The following CDHR3 variants were observed in gnomAD, a reference collection of about 807,000 sequenced individuals.
CDHR3 encodes cadherin related family member 3.
In CDHR3, 79 loss-of-function variants were observed where a neutral mutation model predicts 86.6. That is an observed-to-expected ratio of 0.91 (90% confidence interval 0.76 to 1.10). The LOEUF is 1.10. CDHR3 is among the 50% of genes least tolerant of loss of function. The probability of loss-of-function intolerance (pLI) is 0.00; values close to 1 mark genes in which losing one functional copy is unlikely to be tolerated. For missense variants in CDHR3, 1,081 were observed against 1,077.6 expected (o/e 1.00, Z -0.04); for synonymous variants, 421 against 402.4 (o/e 1.05, Z -0.55).
chr7:105,978,611 T>C (rs1435670155), intron 2 of CDHR3, among the ~76,000 whole-genome samples: 1 of 152,074 alleles, frequency 6.6e-6, no homozygotes, highest in Non-Finnish European at 1.5e-5. Context: ...AAATGTGAAA[T>C]GGAGGAAGTT....
At chr7:105,994,938 G>T (rs955426566) in intron 5 of CDHR3, 93 bp downstream of exon 5, 7 of 988,744 alleles carry the variant, frequency 7.1e-6, no homozygotes, top group South Asian at 1.4e-5. Context: ...GAGGGCAGCT[G>T]GGGGGAGCCC....
rs902464809 is a variant in CDHR3, at chr7:106,034,261, G to C, written c.*1564G>C. ...AGCAGAGCCTGAGCAAGCTTCACTCGAGCTCTATGCCCTGCTGCCCAGCTG... is the reference window on the plus strand; with the variant it reads ...AGCAGAGCCTGAGCAAGCTTCACTCCAGCTCTATGCCCTGCTGCCCAGCTG... On this transcript the variant is annotated 3_prime_UTR_variant, in exon 19 of 19. Transcript: ENST00000317716. Among the ~76,000 whole-genome samples, 1 of 152,160 alleles carries C rather than the reference G, an allele frequency of 6.6e-6. No homozygotes were observed. The highest frequency in any genetic ancestry group is 1.5e-5 in the Non-Finnish European group (1 of 68,030).
chr7:105,981,281 T>A (rs1829693615), intron 3 of CDHR3, 148 bp downstream of exon 3: 1 of 749,276 alleles, frequency 1.3e-6, no homozygotes, highest in South Asian at 2.0e-5. Flanking sequence ...AAATGAAATG[T>A]CCTCCAGCTC....
chr7:106,004,812 C>A, intron 8 of CDHR3, 125 bp downstream of exon 8: 2 of 888,132 alleles, frequency 2.3e-6, no homozygotes, highest in Non-Finnish European at 3.5e-6. Context: ...TAGAATAAAT[C>A]GATGTGAACT....
chr7:106,014,240 T>C (rs1431668608), intron 9 of CDHR3, among the ~76,000 whole-genome samples: 1 of 152,192 alleles, frequency 6.6e-6, no homozygotes, highest in Admixed American at 6.5e-5. Flanking sequence ...CTAGCCTGCA[T>C]ATGAATTTTA....
intron 14 of CDHR3, 70 bp downstream of exon 14, chr7:106,022,518 C>T (rs956384663): frequency 2.9e-5 from 46 of 1,565,170 alleles, no homozygotes; most frequent in Middle Eastern, 1.8e-4. Flanking sequence ...CTTCTTTCCC[C>T]GGCCTGGAGG....
Position 106,032,672 on chromosome 7 carries a change from A to C in CDHR3, c.2633A>C (p.Tyr878Ser), listed in dbSNP as rs200700480. ...NRNPAFMNRA[Y>S]PKPHPGK is the part of the protein sequence containing the mutation. ...AATCCAGCCTTCATGAACAGGGCTT[A>C]CCCCAAACCACACCCAGGAAAGTAA... is the stretch of plus-strand genomic sequence containing the variant. Residue 878 changes from tyrosine to serine, a missense_variant, in exon 19 of 19, where the codon TAC becomes TCC. By Grantham distance (144) the Tyr-to-Ser change is moderately radical (BLOSUM62 -2). Transcript: ENST00000317716. The C allele has an allele frequency of 1.7e-4, 279 of 1,612,308 alleles. 1 individual carries two copies. In the African/African-American group the frequency reaches 3.1e-3, roughly 18 times the overall value.
intron 1 of CDHR3, among the ~76,000 whole-genome samples, chr7:105,972,560 G>A (rs183812362): frequency 5.8e-4 from 88 of 152,228 alleles, no homozygotes; most frequent in Non-Finnish European, 2.9e-5. Context: ...GTATGCATTT[G>A]CGAGAAAAGA....
intron 14 of CDHR3, among the ~76,000 whole-genome samples, chr7:106,023,996 G>T (rs1585835480): frequency 6.6e-6 from 1 of 152,198 alleles, no homozygotes; most frequent in East Asian, 1.9e-4. Context: ...AAGCCTACAA[G>T]GCATTTAAAA....
intron 12 of CDHR3, among the ~76,000 whole-genome samples, chr7:106,019,157 T>C (rs1418196900): frequency 6.6e-6 from 1 of 152,198 alleles, no homozygotes; most frequent in Non-Finnish European, 1.5e-5. Flanking sequence ...GAGACCGAGT[T>C]CATTTTTCAA....
In CDHR3 at chr7:106,032,503, C is replaced by T. The variant is rs779162025; in HGVS notation, c.2464C>T (p.Arg822Cys). 56 of 1,613,852 alleles carry T rather than the reference C, an allele frequency of 3.5e-5. No individual in the cohort carries two copies. The highest frequency in any genetic ancestry group is 8.9e-5 in the East Asian group (4 of 44,906). Residue 822 changes from arginine (R) to cysteine (C), a missense_variant, in exon 19 of 19, where the codon CGC becomes TGC. Coordinates refer to ENST00000317716, the MANE Select transcript of CDHR3 (RefSeq NM_152750.5). ...GTCCAGCCACCAGGGAGCTGCCCCA[C>T]GCAGAGTCACTGCTGGGGAAGGGAT... ...KESSHQGAAP[R>C]RVTAGEGMGS... is the part of the protein sequence containing the mutation.
rs911830603 is a variant in CDHR3 at position 106,018,171 on chromosome 7, C to T, written c.1653+99C>T. ...GTGGATGTGGCAATGAGGAAACTTC[C>T]CAGGGTACATCCTGCGGATGTGGTG... On this transcript the variant is annotated intron_variant, in intron 12 of 18. Coordinates refer to ENST00000317716, the MANE Select transcript of CDHR3 (RefSeq NM_152750.5). 125 of 844,784 alleles carry T rather than the reference C, an allele frequency of 1.5e-4. 1 individual carries two copies. The South Asian group carries it at 1.9e-3, about 13-fold the overall frequency. The allele number at this position is 844,784 out of a possible 1,614,324, so 52.3% of individuals were successfully genotyped here.
intron 3 of CDHR3, among the ~76,000 whole-genome samples, chr7:105,982,438 C>T (rs1394066141): frequency 2.2e-5 from 3 of 136,846 alleles, no homozygotes; most frequent in Non-Finnish European, 3.0e-5. Flanking sequence ...CACTGCACTC[C>T]AGCCTGGGTG....
Position 106,030,916 on chromosome 7 carries a change from A to G in CDHR3, c.2353+76A>G. The G allele has an allele frequency of 7.2e-7, 1 of 1,397,930 alleles. No homozygotes were observed. Among genetic ancestry groups the G allele is most frequent in the Admixed American group, 1.9e-5 (1 of 51,492 alleles). 86.6% of individuals were successfully genotyped at this position (1,397,930 alleles called of 1,614,324 possible). On this transcript the variant is annotated intron_variant, in intron 18 of 18. Coordinates refer to ENST00000317716, the MANE Select transcript of CDHR3 (RefSeq NM_152750.5). The surrounding 1 kb of genome is among the most constrained non-coding windows in gnomAD (Gnocchi z 4.8). Reference sequence around the variant, plus strand: ...GTAGAAGCATGGAGGATCTTATCCAATTTCCTGCTTTTAGCTCATTTTGTC... The same window carrying G: ...GTAGAAGCATGGAGGATCTTATCCAGTTTCCTGCTTTTAGCTCATTTTGTC...
At chr7:105,983,551 C>A (rs1010065829) in intron 3 of CDHR3, among the ~76,000 whole-genome samples, 1 of 152,156 alleles carries the variant, frequency 6.6e-6, no homozygotes, top group Admixed American at 6.5e-5. Context: ...TCCATCATCA[C>A]TGGGAAGGAA....
At chr7:106,024,272 A>T in intron 14 of CDHR3, 109 bp from the exon 15 acceptor site, 1 of 925,942 alleles carries the variant, frequency 1.1e-6, no homozygotes, top group Non-Finnish European at 1.6e-6. Context: ...TCCAACTTAT[A>T]GAGCAATAAC....
intron 12 of CDHR3, among the ~76,000 whole-genome samples, chr7:106,019,229 A>G (rs966800063): frequency 6.6e-6 from 1 of 152,038 alleles, no homozygotes; most frequent in Non-Finnish European, 1.5e-5. Context: ...ATATTTCTCT[A>G]TCTCTTAAAC....
At chr7:106,003,989 C>CAAAAAAAA (rs55815648) in intron 7 of CDHR3, among the ~76,000 whole-genome samples, 12 of 79,962 alleles carry the variant, frequency 1.5e-4, no homozygotes, top group African/African-American at 1.9e-4. Flanking sequence ...CCAACCTAAC[C>CAAAAAAAA]AAAAAAAAAA....
chr7:106,014,096 G>A (rs929478288), intron 9 of CDHR3, among the ~76,000 whole-genome samples: 1 of 152,238 alleles, frequency 6.6e-6, no homozygotes, highest in Non-Finnish European at 1.5e-5. Context: ...TAGCAGCTGG[G>A]ACTACAGGAG....
Sources: gnomAD v4.1 joint callset for allele counts (sites outside exome capture counted in the v4.1 genomes callset) on GRCh38, gnomAD v4.1.1 for gene constraint, Gnocchi (gnomAD v3.1) non-coding constraint, MANE v1.5 for transcripts, NCBI Gene and HGNC (gene_info 2026-07-23, HGNC 2026-07-21) for gene names.